ITGA11: variants seen among roughly 807,000 people sequenced by gnomAD.
ITGA11 encodes the protein integrin subunit alpha 11.
ITGA11 carries 97 observed loss-of-function variants against 141.9 expected under a neutral mutation model. The observed-to-expected ratio is 0.68, with a 90% CI of 0.58 to 0.81. The LOEUF (loss-of-function observed/expected upper bound fraction) is 0.81, where lower values mean the gene tolerates loss of function less well. Among genes scored for constraint, ITGA11 ranks in the 30% least tolerant of loss-of-function variants. ITGA11 has a pLI of 0.00. For missense variants in ITGA11, 1,387 were observed against 1,559.2 expected, an observed-to-expected ratio of 0.89 and a Z score of 1.86; for synonymous variants, 658 against 624.6, an observed-to-expected ratio of 1.05 and a Z score of -0.80.
chr15:68,332,467 GTA>G lies in ITGA11; in HGVS notation c.1435_1436del (p.Tyr479LeufsTer4), dbSNP rs754590598. 6.2e-7 allele frequency: 1 copy of G among 1,612,466 alleles called. No homozygotes were observed. The highest frequency in any genetic ancestry group is 8.5e-7 in the Non-Finnish European group (1 of 1,179,362). ...QAMRGQQIGS[Y>X]FGSEITSVDI... is the part of the protein sequence containing the mutation. ...CCACCGAGGTGATTTCACTCCCAAAGTAAGAGCCTATCTGCGGCACGTGATGG... is the reference window on the plus strand; with the variant it reads ...CCACCGAGGTGATTTCACTCCCAAAGAGAGCCTATCTGCGGCACGTGATGG... On this transcript the variant is annotated frameshift_variant, in exon 13 of 30. Coordinates refer to ENST00000315757, the MANE Select transcript of ITGA11 (RefSeq NM_001004439.2). LOFTEE classifies it high-confidence loss of function.
rs1892918186 is a variant in ITGA11 at position 68,296,721 on chromosome 15, C to G, written c.*6338G>C. Reference sequence around the variant, plus strand: ...TACTTTAAATATGGTACTTTTGTATCCAAAGTTTACATTTTTCTATAGTCA... The same window carrying G: ...TACTTTAAATATGGTACTTTTGTATGCAAAGTTTACATTTTTCTATAGTCA... On this transcript the variant is annotated 3_prime_UTR_variant, in exon 30 of 30. Transcript: ENST00000315757. 1.3e-5 allele frequency: 2 copies of G among 151,562 alleles called. No homozygotes were observed. The highest frequency in any genetic ancestry group is 4.8e-5 in the African/African-American group (2 of 41,250). The allele number at this position is 151,562 out of a possible 1,614,324, so 9.4% of individuals were successfully genotyped here. A position where few individuals can be genotyped will look rare whatever the true frequency, so the allele number is the denominator to read the frequency against.
Position 68,403,044 on chromosome 15 carries a change from G to A in ITGA11, c.53-15C>T. The A allele has an allele frequency of 6.4e-7, 1 of 1,561,828 alleles. No individual in the cohort carries two copies. The highest frequency in any genetic ancestry group is 1.1e-5 in the South Asian group (1 of 89,076). ...GTCCGTGAACCCTGAGGCAGGGGGA[G>A]AGGAGAGGAGAAGCAGGGGAGTCAG... On this transcript the variant is annotated splice_polypyrimidine_tract_variant and intron_variant, in intron 1 of 29. Coordinates refer to ENST00000315757, the MANE Select transcript of ITGA11 (RefSeq NM_001004439.2).
intron 16 of ITGA11, among the ~76,000 whole-genome samples, chr15:68,327,026 G>A (rs1443878971): frequency 1.3e-5 from 2 of 152,188 alleles, no homozygotes; most frequent in Admixed American, 6.5e-5. Context: ...AAGAGCAGAA[G>A]GAAGAAGTGG....
At chr15:68,378,499 C>T (rs778123776) in intron 2 of ITGA11, among the ~76,000 whole-genome samples, 39 of 151,908 alleles carry the variant, frequency 2.6e-4, no homozygotes, top group Non-Finnish European at 3.7e-4. Context: ...AAAAATTATC[C>T]AGGTATGGTG....
At chr15:68,310,969 G>A in intron 26 of ITGA11, 25 bp downstream of exon 26, 2 of 1,566,686 alleles carry the variant, frequency 1.3e-6, no homozygotes, top group Non-Finnish European at 1.7e-6. Context: ...CAACCACTGT[G>A]GCTCTCGGTC....
chr15:68,318,017 G>C (rs72741165), intron 20 of ITGA11, among the ~76,000 whole-genome samples: 10,783 of 152,258 alleles, frequency 0.071, 428 homozygotes, highest in African/African-American at 0.1. Context: ...TGTGCAAAAA[G>C]TGTGTGATCA....
chr15:68,327,227 G>A (rs1265091861), intron 16 of ITGA11, among the ~76,000 whole-genome samples: 3 of 152,144 alleles, frequency 2.0e-5, no homozygotes, highest in Non-Finnish European at 4.4e-5. Context: ...ACACCAAGGA[G>A]GGCTGGCCAG....
intron 8 of ITGA11, 120 bp downstream of exon 8, chr15:68,351,138 C>CT (rs1193565640): frequency 1.8e-6 from 2 of 1,089,612 alleles, no homozygotes; most frequent in African/African-American, 1.6e-5. Context: ...AAATGGGAGG[C>CT]TTTTTTGAGG....
At position 68,302,828 on chromosome 15, in the gene ITGA11, C is replaced by A. The variant is rs988905554; in HGVS notation, c.*231G>T. 1.9e-6 allele frequency: 1 copy of A among 530,174 alleles called. No homozygotes were observed. The highest frequency in any genetic ancestry group is 2.7e-5 in the South Asian group (1 of 37,504). 32.8% of individuals were successfully genotyped at this position (530,174 alleles called of 1,614,324 possible). On this transcript the variant is annotated 3_prime_UTR_variant, in exon 30 of 30. Coordinates refer to ENST00000315757, the MANE Select transcript of ITGA11 (RefSeq NM_001004439.2). ...TGTGTGTAGGGGTGTCCCTTTAAAT[C>A]CCTAGGGGTCTGTGTTAAAGGTGTC...
At chr15:68,336,036 CAGG>C in intron 11 of ITGA11, 191 bp from the exon 12 acceptor site, 1 of 664,916 alleles carries the variant, frequency 1.5e-6, no homozygotes, top group Non-Finnish European at 2.5e-6. Flanking sequence ...AGGCAGGACC[CAGG>C]AAGGGGGTTT....
chr15:68,347,292 G>C lies in ITGA11; in HGVS notation c.1131+1538C>G, dbSNP rs367733971. Among the ~76,000 whole-genome samples the C allele has an allele frequency of 5.9e-5, 9 of 152,162 alleles. No individual in the cohort carries two copies. In the East Asian group the frequency reaches 1.2e-3, roughly 20 times the overall value. On this transcript the variant is annotated intron_variant, in intron 10 of 29. Coordinates refer to ENST00000315757, the MANE Select transcript of ITGA11 (RefSeq NM_001004439.2). ...CCGCCTCTGATTCTCCTGGCATCAG[G>C]CTCAGGACCCAGCACAGAGAAGGCA...
chr15:68,427,110 C>T (rs965125498), intron 1 of ITGA11, among the ~76,000 whole-genome samples: 1 of 150,932 alleles, frequency 6.6e-6, no homozygotes, highest in East Asian at 2.0e-4. Context: ...CTTGGATGAG[C>T]CTTTTAACTT....
chr15:68,358,834 C>G (rs1177196805), intron 5 of ITGA11, among the ~76,000 whole-genome samples: 1 of 152,236 alleles, frequency 6.6e-6, no homozygotes, highest in Non-Finnish European at 1.5e-5. Context: ...ACTTCTATTC[C>G]TAATCAGAGA....
At position 68,350,797 on chromosome 15, in the gene ITGA11, G is replaced by T; in HGVS notation, c.895-15C>A. Reference sequence around the variant, plus strand: ...TAGCCCAGGACCTGCCAGGGAACAGGGGCAGGAACCACAAACCAGAACATA... The same window carrying T: ...TAGCCCAGGACCTGCCAGGGAACAGTGGCAGGAACCACAAACCAGAACATA... On this transcript the variant is annotated splice_polypyrimidine_tract_variant and intron_variant, in intron 8 of 29. Transcript: ENST00000315757. 6.2e-7 allele frequency: 1 copy of T among 1,606,646 alleles called. No individual in the cohort carries two copies. The highest frequency in any genetic ancestry group is 8.5e-7 in the Non-Finnish European group (1 of 1,176,060).
intron 1 of ITGA11, among the ~76,000 whole-genome samples, chr15:68,430,243 CTTGAG>C (rs1008541369): frequency 2.0e-5 from 3 of 152,124 alleles, no homozygotes; most frequent in South Asian, 4.2e-4. Context: ...CCCCCTCCTC[CTTGAG>C]TAGCAACAAC....
At chr15:68,344,352 TTC>T (rs1894673088) in intron 10 of ITGA11, among the ~76,000 whole-genome samples, 1 of 152,164 alleles carries the variant, frequency 6.6e-6, no homozygotes, top group South Asian at 2.1e-4. Flanking sequence ...ATCCATCAGC[TTC>T]TCTCATTTTT....
intron 11 of ITGA11, among the ~76,000 whole-genome samples, chr15:68,337,904 G>T (rs1894420169): frequency 6.6e-6 from 1 of 151,994 alleles, no homozygotes; most frequent in South Asian, 2.1e-4. Context: ...CCTTTTCTTG[G>T]CCCTTCTTGG....
At position 68,325,237 on chromosome 15, in the gene ITGA11, G is replaced by C. The variant is rs367871411; in HGVS notation, c.2216C>G (p.Thr739Ser). The C allele has an allele frequency of 6.2e-7, 1 of 1,611,624 alleles. No individual in the cohort carries two copies. Among genetic ancestry groups the C allele is most frequent in the East Asian group, 2.2e-5 (1 of 44,870 alleles). Residue 739 changes from threonine to serine, a missense_variant, in exon 18 of 30, where the codon ACT (threonine) becomes AGT (serine). Thr to Ser is a moderately conservative substitution (Grantham distance 58). Transcript: ENST00000315757. The surrounding 1 kb of genome is among the most constrained non-coding windows in gnomAD (Gnocchi z 5.5). ...CERINFHVLDTADYVKPVTFS... is the reference protein window; with the variant it reads ...CERINFHVLDSADYVKPVTFS... ...GGTCACTGGCTTCACGTAGTCAGCA[G>C]TGTCCTGGGGGGTGGAGATGAGGGC...
intron 2 of ITGA11, among the ~76,000 whole-genome samples, chr15:68,372,004 C>T (rs1028946026): frequency 8.5e-5 from 13 of 152,182 alleles, no homozygotes; most frequent in Admixed American, 2.0e-4. Flanking sequence ...GCAGGGCTTA[C>T]TGTCGCCATA....
Sources: allele counts gnomAD v4.1 joint callset (sites outside exome capture counted in the v4.1 genomes callset), GRCh38; gene constraint gnomAD v4.1.1; non-coding constraint Gnocchi (gnomAD v3.1); transcripts MANE v1.5; gene names NCBI Gene and HGNC (gene_info 2026-07-23, HGNC 2026-07-21).